The following TMEM65 variants were observed in gnomAD, a reference collection of about 807,000 sequenced individuals.
The protein encoded by TMEM65 is transmembrane protein 65.
TMEM65 carries 22 observed loss-of-function variants against 25.4 expected under a neutral mutation model. The ratio of observed to expected loss-of-function variants is 0.86; its 90% CI spans 0.62 to 1.23. TMEM65 has a LOEUF of 1.23. Ranked by LOEUF, TMEM65 falls within the 50% of genes most tolerant of loss-of-function variation. TMEM65 has a pLI of 0.00. For synonymous variants in TMEM65, 132 were observed against 126.2 expected (o/e 1.05, Z -0.31); for missense variants, 262 against 308.2 (o/e 0.85, Z 1.12).
At chr8:124,322,635 CCTT>C (rs1304526095) in intron 4 of TMEM65, among the ~76,000 whole-genome samples, 1 of 151,942 alleles carries the variant, frequency 6.6e-6, no homozygotes, top group Non-Finnish European at 1.5e-5. Context: ...TCCTGTATTT[CCTT>C]CTTTGATTTT....
chr8:124,331,200 T>C (rs4406374), intron 1 of TMEM65, among the ~76,000 whole-genome samples: 7,168 of 151,834 alleles, frequency 0.047, 201 homozygotes, highest in Non-Finnish European at 0.062. Context: ...ACAAGCATCA[T>C]TGATAGTGGA....
At chr8:124,322,173 G>A in intron 4 of TMEM65, 26 bp from the exon 5 acceptor site, 1 of 1,554,508 alleles carries the variant, frequency 6.4e-7, no homozygotes, top group South Asian at 1.1e-5. Flanking sequence ...ATAAATAATT[G>A]TTACATAAAA....
Position 124,306,463 on chromosome 8 carries a change from T to C in TMEM65, c.*7497A>G, listed in dbSNP as rs1321805405. ...GGTTTGAACTGCATAGGACCGCTTA[T>C]ATGCATATTTTGATAAATATATTGA... is the stretch of plus-strand genomic sequence containing the variant. On this transcript the variant is annotated 3_prime_UTR_variant, in exon 7 of 7. Coordinates refer to ENST00000297632, the MANE Select transcript of TMEM65 (RefSeq NM_194291.3). 6.6e-6 allele frequency: 1 copy of C among 152,254 alleles called. No homozygotes were observed. The highest frequency in any genetic ancestry group is 2.4e-5 in the African/African-American group (1 of 41,444). 9.4% of individuals were successfully genotyped at this position (152,254 alleles called of 1,614,324 possible).
chr8:124,317,331 A>T (rs1814250162), intron 6 of TMEM65, among the ~76,000 whole-genome samples: 1 of 152,134 alleles, frequency 6.6e-6, no homozygotes, highest in Non-Finnish European at 1.5e-5. Flanking sequence ...ATGATTATCA[A>T]TGAGCAACTA....
At chr8:124,348,174 T>C (rs1490524254) in intron 1 of TMEM65, among the ~76,000 whole-genome samples, 1 of 152,196 alleles carries the variant, frequency 6.6e-6, no homozygotes, top group Non-Finnish European at 1.5e-5. Flanking sequence ...CTCAAACTCC[T>C]GACCTTAGGT....
rs1201606642 is a variant in TMEM65 at position 124,327,407 on chromosome 8, C to T, written c.364G>A (p.Ala122Thr). 1 of 1,595,740 alleles carries T rather than the reference C, an allele frequency of 6.3e-7. No homozygotes were observed. The highest frequency in any genetic ancestry group is 1.2e-5 in the South Asian group (1 of 86,918). ...AAGCCAAACCCTATGAAAGGTATCG[C>T]ATTGTGGATGAATACTGAAAAACAT... ...GQLRYVFIHNAIPFIGFGFLD... is the reference protein window; with the variant it reads ...GQLRYVFIHNTIPFIGFGFLD... Residue 122 changes from alanine to threonine, a missense_variant, in exon 3 of 7, where the codon GCG becomes ACG. Ala to Thr is a moderately conservative substitution (Grantham distance 58). Transcript: ENST00000297632.
chr8:124,337,132 AACACACACACACGC>A (rs71886529), intron 1 of TMEM65, among the ~76,000 whole-genome samples: 12,186 of 151,566 alleles, frequency 0.08, 538 homozygotes, highest in African/African-American at 0.13. Flanking sequence ...TTTATATGTA[AACACACACACACGC>A]ACACACACAC....
At chr8:124,317,865 C>A (rs879753922) in intron 6 of TMEM65, among the ~76,000 whole-genome samples, 4 of 152,128 alleles carry the variant, frequency 2.6e-5, no homozygotes, top group Non-Finnish European at 5.9e-5. Flanking sequence ...CTGAGAGGGC[C>A]ACATGGCAAA....
chr8:124,315,409 T>C (rs915243338), intron 6 of TMEM65, among the ~76,000 whole-genome samples: 29 of 151,776 alleles, frequency 1.9e-4, no homozygotes, highest in African/African-American at 7.0e-4. Flanking sequence ...GCAAGCTCCG[T>C]CTCCTGGGTT....
chr8:124,368,497 A>T (rs1040561015), intron 1 of TMEM65, among the ~76,000 whole-genome samples: 1 of 152,244 alleles, frequency 6.6e-6, no homozygotes, highest in Non-Finnish European at 1.5e-5. Flanking sequence ...ATGGACTGTC[A>T]CTACTAAGAC....
At chr8:124,340,593 T>C (rs1003096573) in intron 1 of TMEM65, among the ~76,000 whole-genome samples, 6 of 152,174 alleles carry the variant, frequency 3.9e-5, no homozygotes, top group Non-Finnish European at 8.8e-5. Context: ...TAAACTTATG[T>C]TATCTCTACA....
At chr8:124,348,097 G>A (rs1490837154) in intron 1 of TMEM65, among the ~76,000 whole-genome samples, 4 of 151,932 alleles carry the variant, frequency 2.6e-5, no homozygotes, top group African/African-American at 7.2e-5. Context: ...ACAGGCATGC[G>A]CCGCCATACC....
rs1814420622 is a variant in TMEM65 at position 124,330,666 on chromosome 8, T to C, written c.349+82A>G. 2.6e-5 allele frequency: 35 copies of C among 1,331,468 alleles called. No individual in the cohort carries two copies. The South Asian group carries it at 4.0e-4, about 15-fold the overall frequency. 82.5% of individuals were successfully genotyped at this position (1,331,468 alleles called of 1,614,324 possible). A position where few individuals can be genotyped will look rare whatever the true frequency, so the allele number is the denominator to read the frequency against. Reference sequence around the variant, plus strand: ...CTGGAAAGATTTAATTTACTGACTCTTCTGTGCTATCAATGAATGATACAG... The same window carrying C: ...CTGGAAAGATTTAATTTACTGACTCCTCTGTGCTATCAATGAATGATACAG... On this transcript the variant is annotated intron_variant, in intron 2 of 6. Transcript: ENST00000297632.
chr8:124,329,837 T>C (rs965762829), intron 2 of TMEM65, among the ~76,000 whole-genome samples: 6 of 151,858 alleles, frequency 4.0e-5, no homozygotes, highest in Non-Finnish European at 7.4e-5. Context: ...TAGTATACAG[T>C]ATTATGAACT....
intron 1 of TMEM65, among the ~76,000 whole-genome samples, chr8:124,347,486 C>T (rs751001959): frequency 2.0e-5 from 3 of 152,146 alleles, no homozygotes; most frequent in African/African-American, 4.8e-5. Flanking sequence ...TTGGGCACAA[C>T]GTACACTATT....
In TMEM65 at chr8:124,357,984, C is replaced by A. The variant is rs372039636; in HGVS notation, c.304+13870G>T. Among the ~76,000 whole-genome samples, 3 of 151,902 alleles carry A rather than the reference C, an allele frequency of 2.0e-5. No individual in the cohort carries two copies. In the East Asian group the frequency reaches 5.8e-4, roughly 29 times the overall value. ...AGCTTGGATTACAGGCACCTGCCAC[C>A]ACGCCCAGCTAGTTTTTGTATTTTC... On this transcript the variant is annotated intron_variant, in intron 1 of 6. Coordinates refer to ENST00000297632, the MANE Select transcript of TMEM65 (RefSeq NM_194291.3).
chr8:124,346,148 T>C (rs918065027), intron 1 of TMEM65, among the ~76,000 whole-genome samples: 11 of 152,212 alleles, frequency 7.2e-5, no homozygotes, highest in African/African-American at 2.4e-4. Flanking sequence ...ATATCTTACA[T>C]GGCAGCAAGA....
intron 4 of TMEM65, 64 bp downstream of exon 4, chr8:124,323,257 C>A: frequency 1.1e-6 from 1 of 923,582 alleles, no homozygotes; most frequent in African/African-American, 1.7e-5. Context: ...CTCCTCTAAA[C>A]TTAATCTACT....
intron 1 of TMEM65, among the ~76,000 whole-genome samples, chr8:124,347,633 T>C (rs1458489571): frequency 6.6e-6 from 1 of 152,206 alleles, no homozygotes; most frequent in Non-Finnish European, 1.5e-5. Flanking sequence ...AACTGTCACA[T>C]TGTTAACCTT....
Sources: gnomAD v4.1 joint callset for allele counts (sites outside exome capture counted in the v4.1 genomes callset) on GRCh38, gnomAD v4.1.1 for gene constraint, MANE v1.5 for transcripts, NCBI Gene and HGNC (gene_info 2026-07-23, HGNC 2026-07-21) for gene names.